Variants in GRIP1 observed in about 807,000 individuals in gnomAD.
GRIP1 encodes the protein glutamate receptor-interacting protein 1.
A neutral mutation model predicts 129.9 loss-of-function variants in GRIP1; 45 were observed. The observed-to-expected ratio is 0.35, with a 90% CI of 0.27 to 0.44. GRIP1 has a LOEUF of 0.44. Among genes scored for constraint, GRIP1 ranks in the 20% least tolerant of loss-of-function variants. The pLI, the probability that GRIP1 is intolerant of heterozygous loss-of-function variation, is 1.00. For missense variants in GRIP1, 1,196 were observed against 1,396.8 expected (o/e 0.86, Z 2.29); for synonymous variants, 530 against 520.8 (o/e 1.02, Z -0.24).
intron 19 of GRIP1, among the ~76,000 whole-genome samples, chr12:66,384,692 A>C (rs915161114): frequency 6.6e-6 from 1 of 152,218 alleles, no homozygotes; most frequent in African/African-American, 2.4e-5. Flanking sequence ...GTGAGGAAGG[A>C]GTTACCATAT....
chr12:66,915,979 G>C (rs1434600097), intron 1 of GRIP1, among the ~76,000 whole-genome samples: 1 of 152,176 alleles, frequency 6.6e-6, no homozygotes, highest in Non-Finnish European at 1.5e-5. Flanking sequence ...CACCTGGCTG[G>C]TCCTTGAGAA....
intron 7 of GRIP1, among the ~76,000 whole-genome samples, chr12:66,508,023 G>T (rs1162739757): frequency 6.6e-6 from 1 of 152,148 alleles, no homozygotes; most frequent in Non-Finnish European, 1.5e-5. Context: ...TGATCAAAAA[G>T]AAAGGTTTGA....
intron 19 of GRIP1, among the ~76,000 whole-genome samples, chr12:66,390,325 G>T (rs1322673398): frequency 6.6e-6 from 1 of 152,164 alleles, no homozygotes; most frequent in Non-Finnish European, 1.5e-5. Flanking sequence ...AAACTCTAGA[G>T]TGTTCTATAT....
rs945152400 is a variant in GRIP1, at chr12:66,379,523, A to G, written c.2465-87T>C. ...CATTGTTAACCAGTAGAGGAGTCAA[A>G]TTATAACGGCAATGACAATAACAAT... On this transcript the variant is annotated intron_variant, in intron 19 of 24. Transcript: ENST00000359742. 4.1e-5 allele frequency: 53 copies of G among 1,293,384 alleles called. No homozygotes were observed. In the African/African-American group the frequency reaches 7.3e-4, roughly 18 times the overall value. The allele number at this position is 1,293,384 out of a possible 1,614,324, so 80.1% of individuals were successfully genotyped here.
intron 1 of GRIP1, among the ~76,000 whole-genome samples, chr12:66,686,225 G>C (rs1317079184): frequency 3.3e-5 from 5 of 152,152 alleles, no homozygotes; most frequent in Admixed American, 6.5e-5. Context: ...CTTCTGACAA[G>C]ATCATAAGGA....
At chr12:66,770,104 T>C (rs779552904) in intron 1 of GRIP1, among the ~76,000 whole-genome samples, 1 of 152,204 alleles carries the variant, frequency 6.6e-6, no homozygotes, top group Non-Finnish European at 1.5e-5. Context: ...CCTCATGGAT[T>C]ATTGAAATGA....
chr12:66,475,920 C>T (rs143836821), intron 7 of GRIP1, among the ~76,000 whole-genome samples: 2,109 of 150,876 alleles, frequency 0.014, 29 homozygotes, highest in South Asian at 0.032. Flanking sequence ...TAAAATGACA[C>T]GCTAAAATGT....
intron 1 of GRIP1, among the ~76,000 whole-genome samples, chr12:66,701,966 GAT>G (rs2035367934): frequency 6.6e-6 from 1 of 152,144 alleles, no homozygotes; most frequent in Non-Finnish European, 1.5e-5. Context: ...AATGGATGCT[GAT>G]GTTATAGTGA....
rs545358461 is a variant in GRIP1, at chr12:66,709,017, A to G, written c.-419-78681T>C. Reference sequence around the variant, plus strand: ...TACAACCAGAGGAAATTAATATAAAAGAAAAGACAGTAGACCATCATGAAT... The same window carrying G: ...TACAACCAGAGGAAATTAATATAAAGGAAAAGACAGTAGACCATCATGAAT... On this transcript the variant is annotated intron_variant, in intron 1 of 4. Transcript: ENST00000538373. Among the ~76,000 whole-genome samples the G allele has an allele frequency of 3.3e-5, 5 of 152,030 alleles. No individual in the cohort carries two copies. The East Asian group carries it at 9.7e-4, about 30-fold the overall frequency.
chr12:66,980,688 T>A (rs1014386612), intron 1 of GRIP1, among the ~76,000 whole-genome samples: 1 of 152,174 alleles, frequency 6.6e-6, no homozygotes, highest in Non-Finnish European at 1.5e-5. Flanking sequence ...ATTATATAAA[T>A]GAGAAAATTG....
intron 1 of GRIP1, among the ~76,000 whole-genome samples, chr12:67,068,780 C>T (rs2043677708): frequency 6.7e-6 from 1 of 148,680 alleles, no homozygotes; most frequent in African/African-American, 2.5e-5. Flanking sequence ...TACATCCTCG[C>T]CAGAAAAAAT....
rs553618900 is a variant in GRIP1, at chr12:66,970,611, C to T, written c.58+98439G>A. Among the ~76,000 whole-genome samples, 77 of 123,826 alleles carry T rather than the reference C, an allele frequency of 6.2e-4. 1 individual carries two copies. The highest frequency in any genetic ancestry group is 2.1e-3 in the African/African-American group (69 of 32,434). The allele number at this position is 123,826 out of a possible 152,430, so 81.2% of individuals were successfully genotyped here. On this transcript the variant is annotated intron_variant, in intron 1 of 1. Transcript: ENST00000643019. ...CTGAGACCCCCTCTCCTTGGCCAGC[C>T]AGTGTCTGTCTGCATCTTGCAGCTC...
At chr12:66,554,860 C>T (rs2062268619) in intron 2 of GRIP1, among the ~76,000 whole-genome samples, 1 of 152,062 alleles carries the variant, frequency 6.6e-6, no homozygotes, top group Non-Finnish European at 1.5e-5. Flanking sequence ...GCTTTGGGTA[C>T]CAGTTCAGCT....
chr12:66,665,654 G>T (rs1434986254), intron 1 of GRIP1, among the ~76,000 whole-genome samples: 2 of 152,116 alleles, frequency 1.3e-5, no homozygotes, highest in East Asian at 1.9e-4. Context: ...ATTACCACAT[G>T]TATTTATGCA....
At chr12:66,985,986 T>C (rs1253772783) in intron 1 of GRIP1, among the ~76,000 whole-genome samples, 1 of 152,200 alleles carries the variant, frequency 6.6e-6, no homozygotes, top group Admixed American at 6.6e-5. Context: ...CTTTTTCTCA[T>C]CCTGATTTTC....
chr12:66,474,090 G>T (rs2059528765), intron 7 of GRIP1, among the ~76,000 whole-genome samples: 1 of 151,866 alleles, frequency 6.6e-6, no homozygotes, highest in African/African-American at 2.4e-5. Flanking sequence ...CTTGAAAAAA[G>T]GTTAGATGAA....
intron 1 of GRIP1, among the ~76,000 whole-genome samples, chr12:66,833,177 T>C (rs1429679931): frequency 6.6e-6 from 1 of 152,190 alleles, no homozygotes; most frequent in Non-Finnish European, 1.5e-5. Flanking sequence ...TTTGATTCAG[T>C]CTTGAGTGGT....
chr12:66,807,976 T>G (rs769245188), upstream of GRIP1, among the ~76,000 whole-genome samples: 25 of 151,498 alleles, frequency 1.7e-4, no homozygotes, highest in Non-Finnish European at 3.4e-4. Flanking sequence ...TGTCAATTCT[T>G]GGTTGTATTA....
chr12:66,641,116 G>C (rs1291759773), intron 1 of GRIP1, among the ~76,000 whole-genome samples: 1 of 152,182 alleles, frequency 6.6e-6, no homozygotes, highest in African/African-American at 2.4e-5. Context: ...GACATGCTGA[G>C]GTAGTAATCC....
Sources: allele counts gnomAD v4.1 joint callset (sites outside exome capture counted in the v4.1 genomes callset), GRCh38; gene constraint gnomAD v4.1.1; transcripts MANE v1.5; gene names NCBI Gene and HGNC (gene_info 2026-07-23, HGNC 2026-07-21).